The following PTER variants were observed in gnomAD, a reference collection of about 807,000 sequenced individuals.
PTER encodes the protein N-acetyltaurine hydrolase.
Under a neutral mutation model 29.6 loss-of-function variants are expected in PTER, and 38 were observed. The ratio of observed to expected loss-of-function variants is 1.28; its 90% CI spans 0.99 to 1.68. PTER has a LOEUF of 1.68. Ranked by LOEUF, PTER falls within the 40% of genes most tolerant of loss-of-function variation. The pLI is 0.00. For synonymous variants in PTER, 172 were observed against 154.5 expected (o/e 1.11, Z -0.84); for missense variants, 482 against 427.8 (o/e 1.13, Z -1.12).
intron 3 of PTER, among the ~76,000 whole-genome samples, chr10:16,503,334 C>G (rs1287623828): frequency 6.6e-6 from 1 of 152,016 alleles, no homozygotes; most frequent in Non-Finnish European, 1.5e-5. Context: ...TCAAGTGATT[C>G]TCATGCCTCA....
chr10:16,459,680 A>G (rs1325302095), intron 1 of PTER, among the ~76,000 whole-genome samples: 5 of 152,164 alleles, frequency 3.3e-5, no homozygotes, highest in Non-Finnish European at 1.5e-5. Flanking sequence ...AGTTTTTGTT[A>G]GTAAGTATTT....
chr10:16,514,648 A>G (rs1288396589), downstream of PTER: 4 of 1,613,880 alleles, frequency 2.5e-6, no homozygotes, highest in Non-Finnish European at 3.4e-6. Flanking sequence ...GAAGAACCAC[A>G]CTGTTACTGG....
At chr10:16,500,055 T>C (rs768925) in intron 3 of PTER, among the ~76,000 whole-genome samples, 70,373 of 151,464 alleles carry the variant, frequency 0.46, 16,536 homozygotes, top group East Asian at 0.68. Flanking sequence ...CCTTTTTTTT[T>C]AACTGCATTT....
chr10:16,457,619 A>G, intron 1 of PTER, among the ~76,000 whole-genome samples: 1 of 151,340 alleles, frequency 6.6e-6, no homozygotes, highest in Non-Finnish European at 1.5e-5. Context: ...TGTTTTTTTG[A>G]GAAAGAGTCT....
intron 3 of PTER, among the ~76,000 whole-genome samples, chr10:16,495,896 A>T (rs1489445585): frequency 5.3e-5 from 8 of 152,208 alleles, no homozygotes; most frequent in Admixed American, 5.2e-4. Flanking sequence ...TTATTTCACC[A>T]GTCTATTGTG....
intron 3 of PTER, among the ~76,000 whole-genome samples, chr10:16,493,693 G>A (rs1008360750): frequency 5.9e-5 from 9 of 152,010 alleles, no homozygotes; most frequent in Admixed American, 6.6e-5. Flanking sequence ...AAAGGGAGAG[G>A]GAGGGAGGCA....
intron 3 of PTER, among the ~76,000 whole-genome samples, chr10:16,497,639 T>A (rs1165354290): frequency 6.6e-6 from 1 of 152,236 alleles, no homozygotes; most frequent in Admixed American, 6.5e-5. Context: ...TTTGTTATCT[T>A]GATCCTACCC....
At chr10:16,456,826 G>A (rs997773799) in intron 1 of PTER, among the ~76,000 whole-genome samples, 13 of 141,348 alleles carry the variant, frequency 9.2e-5, no homozygotes, top group Admixed American at 7.3e-5. Flanking sequence ...TGTTGTGGGA[G>A]GGACCTGGTG....
chr10:16,516,037 T>C (rs1041578434), downstream of PTER, among the ~76,000 whole-genome samples: 9 of 152,176 alleles, frequency 5.9e-5, no homozygotes, highest in African/African-American at 2.2e-4. Flanking sequence ...ACGTTAATGC[T>C]GAAATGTTAA....
intron 1 of PTER, among the ~76,000 whole-genome samples, chr10:16,465,128 G>A (rs1317027357): frequency 6.6e-6 from 1 of 152,052 alleles, no homozygotes; most frequent in Non-Finnish European, 1.5e-5. Flanking sequence ...ATAAGATTTG[G>A]GTGGGGACAC....
chr10:16,446,475 A>G (rs1186740293), intron 1 of PTER, among the ~76,000 whole-genome samples: 3 of 151,986 alleles, frequency 2.0e-5, no homozygotes, highest in African/African-American at 7.2e-5. Context: ...CTCAAGTGTT[A>G]TCTTTTCACT....
chr10:16,508,280 G>A (rs1160049968), intron 4 of PTER, among the ~76,000 whole-genome samples: 1 of 151,972 alleles, frequency 6.6e-6, no homozygotes, highest in South Asian at 2.1e-4. Flanking sequence ...GTGTTAGCCA[G>A]GATGGTCTTG....
intron 1 of PTER, among the ~76,000 whole-genome samples, chr10:16,448,867 T>C (rs1431346925): frequency 6.6e-6 from 1 of 152,234 alleles, no homozygotes; most frequent in Admixed American, 6.5e-5. Context: ...TGGATAGGAA[T>C]GGAGAAAAAG....
intron 4 of PTER, among the ~76,000 whole-genome samples, chr10:16,508,650 A>G (rs956035440): frequency 3.3e-5 from 5 of 152,086 alleles, no homozygotes; most frequent in Middle Eastern, 3.4e-3. Flanking sequence ...TTCTGGATGT[A>G]TGGAAATAAT....
chr10:16,492,366 A>G (rs1016315211), intron 3 of PTER, among the ~76,000 whole-genome samples: 2 of 152,116 alleles, frequency 1.3e-5, no homozygotes, highest in African/African-American at 4.8e-5. Context: ...ATCACTTACT[A>G]TAATTTTACT....
intron 4 of PTER, among the ~76,000 whole-genome samples, chr10:16,505,949 C>G (rs879728473): frequency 6.6e-6 from 1 of 152,030 alleles, no homozygotes; most frequent in African/African-American, 2.4e-5. Context: ...AAGATGAGGA[C>G]AGAGACCTGG....
intron 1 of PTER, among the ~76,000 whole-genome samples, chr10:16,479,845 G>T (rs761117431): frequency 6.6e-6 from 1 of 151,706 alleles, no homozygotes; most frequent in Admixed American, 6.6e-5. Context: ...TCATCCATTC[G>T]TACACGGCTG....
chr10:16,438,920 C>A (rs867038052), intron 1 of PTER, among the ~76,000 whole-genome samples: 772 of 100,970 alleles, frequency 7.6e-3, no homozygotes, highest in Middle Eastern at 0.011. Context: ...GACTCTGTCT[C>A]AAAAAAAAAA....
chr10:16,462,975 C>A (rs545602051), intron 1 of PTER, among the ~76,000 whole-genome samples: 84 of 151,756 alleles, frequency 5.5e-4, no homozygotes, highest in Non-Finnish European at 1.1e-3. Flanking sequence ...GTGCAAATCA[C>A]AAGGTCAGGA....
Sources: allele counts gnomAD v4.1 joint callset (sites outside exome capture counted in the v4.1 genomes callset), GRCh38; gene constraint gnomAD v4.1.1; transcripts MANE v1.5; gene names NCBI Gene and HGNC (gene_info 2026-07-23, HGNC 2026-07-21).